Variants in COG5 observed in about 807,000 individuals in gnomAD.
The protein encoded by COG5 is component of oligomeric golgi complex 5, also known as conserved oligomeric Golgi complex subunit 5.
In COG5, 86 loss-of-function variants were observed where a neutral mutation model predicts 110.4. The ratio of observed to expected loss-of-function variants is 0.78; its 90% CI spans 0.65 to 0.93. The LOEUF is 0.93. COG5 is among the 40% of genes least tolerant of loss of function. The pLI is 0.00. For synonymous variants in COG5, 360 were observed against 334.6 expected (o/e 1.08, Z -0.83); for missense variants, 1,077 against 987.0 (o/e 1.09, Z -1.22).
At chr7:107,549,965 T>C (rs560302315) in intron 3 of COG5, among the ~76,000 whole-genome samples, 57 of 152,260 alleles carry the variant, frequency 3.7e-4, no homozygotes, top group African/African-American at 1.3e-3. Context: ...AAAGATTTTC[T>C]TTATATATCT....
chr7:107,509,860 G>A (rs1439488987), intron 6 of COG5, among the ~76,000 whole-genome samples: 1 of 127,752 alleles, frequency 7.8e-6, no homozygotes, highest in African/African-American at 4.4e-5. Flanking sequence ...GAGAGATTTT[G>A]TCACCACCAG....
chr7:107,299,861 G>A (rs1807100180), intron 11 of COG5, among the ~76,000 whole-genome samples: 3 of 85,082 alleles, frequency 3.5e-5, no homozygotes, highest in Admixed American at 1.3e-4. Context: ...ATATATATCT[G>A]GAATTATCTG....
chr7:107,254,467 T>C (rs1384047246), intron 16 of COG5, among the ~76,000 whole-genome samples: 1 of 152,162 alleles, frequency 6.6e-6, no homozygotes. Context: ...TCACTGAGTG[T>C]ATTAACATGA....
At chr7:107,283,225 T>G (rs1805329020) in intron 13 of COG5, among the ~76,000 whole-genome samples, 1 of 152,212 alleles carries the variant, frequency 6.6e-6, no homozygotes. Context: ...TTAACCTGTA[T>G]GTTTTAGTTT....
chr7:107,330,095 G>T (rs996556114), intron 10 of COG5, among the ~76,000 whole-genome samples: 1 of 152,188 alleles, frequency 6.6e-6, no homozygotes, highest in East Asian at 1.9e-4. Flanking sequence ...TGAACTGGAA[G>T]GATATTTGAC....
At chr7:107,367,653 G>A (rs1813754304) in intron 8 of COG5, among the ~76,000 whole-genome samples, 1 of 152,026 alleles carries the variant, frequency 6.6e-6, no homozygotes. Flanking sequence ...GATGGAACAA[G>A]TGGCCATTAT....
rs773203302 is a variant in COG5 at position 107,560,712 on chromosome 7, T to C, written c.95-2597A>G. Among the ~76,000 whole-genome samples the C allele has an allele frequency of 5.3e-5, 8 of 152,214 alleles. 1 individual carries two copies. The highest frequency in any genetic ancestry group is 4.6e-4 in the Admixed American group (7 of 15,284). ...TTCATTTTTTCATATGTAAACCTTG[T>C]ACTATTTGTTCATATGTAGGTTTTC... is the stretch of plus-strand genomic sequence containing the variant. On this transcript the variant is annotated intron_variant, in intron 1 of 21. Transcript: ENST00000297135.
intron 6 of COG5, among the ~76,000 whole-genome samples, chr7:107,479,794 G>A (rs887393428): frequency 2.0e-5 from 3 of 152,010 alleles, no homozygotes; most frequent in Non-Finnish European, 2.9e-5. Flanking sequence ...TGAAAATTTC[G>A]AATTGACGTT....
chr7:107,239,548 T>C (rs1801455926), intron 17 of COG5, among the ~76,000 whole-genome samples: 1 of 152,236 alleles, frequency 6.6e-6, no homozygotes, highest in Admixed American at 6.5e-5. Context: ...TTGGGTAGTA[T>C]GGACCTTTTA....
At chr7:107,412,351 AC>A in intron 7 of COG5, 150 bp downstream of exon 7, 1 of 605,068 alleles carries the variant, frequency 1.7e-6, no homozygotes, top group Non-Finnish European at 2.8e-6. Flanking sequence ...ATTTCCCTTA[AC>A]GATGACCCAT....
At chr7:107,473,912 T>C (rs1584869762) in intron 6 of COG5, 1 of 514,736 alleles carries the variant, frequency 1.9e-6, no homozygotes, top group East Asian at 3.0e-5. Context: ...TTTCTATTAA[T>C]AGTTTACAAA....
intron 4 of COG5, 23 bp from the exon 5 acceptor site, chr7:107,548,203 G>A (rs747120161): frequency 3.1e-6 from 5 of 1,609,080 alleles, no homozygotes; most frequent in Non-Finnish European, 4.3e-6. Context: ...AGAGGAGTGA[G>A]AATAAAATCA....
intron 6 of COG5, among the ~76,000 whole-genome samples, chr7:107,452,436 G>A (rs10953538): frequency 0.45 from 68,857 of 151,898 alleles, 15,888 homozygotes; most frequent in Non-Finnish European, 0.5. Flanking sequence ...AACTCCCACA[G>A]TTCCCACCTG....
intron 6 of COG5, among the ~76,000 whole-genome samples, chr7:107,461,027 G>C (rs1023651354): frequency 1.3e-5 from 2 of 151,794 alleles, no homozygotes; most frequent in Admixed American, 6.6e-5. Flanking sequence ...ATTTAAGAAA[G>C]GACTAACTCT....
At chr7:107,512,760 G>A (rs1208447966) in intron 6 of COG5, among the ~76,000 whole-genome samples, 1 of 152,088 alleles carries the variant, frequency 6.6e-6, no homozygotes, top group Non-Finnish European at 1.5e-5. Flanking sequence ...ACAACCATCT[G>A]ATCTTTGACA....
rs765579393 is a variant in COG5 at position 107,203,314 on chromosome 7, T to C, written c.*202A>G. 2 of 587,370 alleles carry C rather than the reference T, an allele frequency of 3.4e-6. No individual in the cohort carries two copies. The highest frequency in any genetic ancestry group is 6.1e-6 in the Non-Finnish European group (2 of 329,904). The allele number at this position is 587,370 out of a possible 1,614,324, so 36.4% of individuals were successfully genotyped here. On this transcript the variant is annotated 3_prime_UTR_variant, in exon 22 of 22. Coordinates refer to ENST00000297135, the MANE Select transcript of COG5 (RefSeq NM_006348.5). ...CATCTTTCTGGAAAAATCAGGTCCATGGAATTGAAAGGTGGTGATAACTCA... is the reference window on the plus strand; with the variant it reads ...CATCTTTCTGGAAAAATCAGGTCCACGGAATTGAAAGGTGGTGATAACTCA...
chr7:107,412,947 T>C (rs918865899), intron 6 of COG5, among the ~76,000 whole-genome samples: 1 of 152,032 alleles, frequency 6.6e-6, no homozygotes, highest in African/African-American at 2.4e-5. Context: ...AGTAAATAAA[T>C]ATTCTCACAT....
At chr7:107,449,536 A>G (rs933777306) in intron 6 of COG5, among the ~76,000 whole-genome samples, 8 of 152,174 alleles carry the variant, frequency 5.3e-5, no homozygotes, top group African/African-American at 9.7e-5. Context: ...ATAGAAAGTG[A>G]TCTCTTGCAG....
intron 2 of COG5, 53 bp downstream of exon 2, chr7:107,557,922 TA>T: frequency 6.3e-7 from 1 of 1,595,988 alleles, no homozygotes; most frequent in Non-Finnish European, 8.6e-7. Context: ...ACAAAAATGC[TA>T]AATTATCACT....
Sources: allele counts gnomAD v4.1 joint callset (sites outside exome capture counted in the v4.1 genomes callset), GRCh38; gene constraint gnomAD v4.1.1; transcripts MANE v1.5; gene names NCBI Gene and HGNC (gene_info 2026-07-23, HGNC 2026-07-21).